ZFAT: variants seen among roughly 807,000 people sequenced by gnomAD.
The protein encoded by ZFAT is zinc finger and AT-hook domain containing.
In ZFAT, 64 loss-of-function variants were observed where a neutral mutation model predicts 117.7. The observed-to-expected ratio is 0.54, with a 90% CI of 0.44 to 0.67. ZFAT has a LOEUF of 0.67. ZFAT is among the 30% of genes least tolerant of loss of function. ZFAT has a pLI of 0.00. For synonymous variants in ZFAT, 679 were observed against 615.0 expected (o/e 1.10, Z -1.54); for missense variants, 1,433 against 1,584.5 (o/e 0.90, Z 1.62).
chr8:134,680,442 G>C (rs910051701), intron 1 of ZFAT, among the ~76,000 whole-genome samples: 4 of 152,036 alleles, frequency 2.6e-5, no homozygotes, highest in Admixed American at 1.3e-4. Flanking sequence ...AAATAAATGT[G>C]TGTATTGAGA....
the ZFAT span, among the ~76,000 whole-genome samples, chr8:134,718,652 C>T: frequency 6.6e-6 from 1 of 152,146 alleles, no homozygotes; most frequent in Non-Finnish European, 1.5e-5. Flanking sequence ...CTACCAGAGC[C>T]TAGCACTGTT....
intron 2 of ZFAT, among the ~76,000 whole-genome samples, chr8:134,654,036 C>T (rs1019415372): frequency 7.2e-5 from 11 of 152,134 alleles, no homozygotes; most frequent in Admixed American, 3.9e-4. Flanking sequence ...GGGGCTCATG[C>T]CTGTAATCTC....
chr8:134,557,123 A>AT (rs1268564349), intron 11 of ZFAT, among the ~76,000 whole-genome samples: 3 of 152,186 alleles, frequency 2.0e-5, no homozygotes, highest in Non-Finnish European at 4.4e-5. Context: ...TGCTTCTTAC[A>AT]TTGTTCATAA....
rs1834155700 is a variant in ZFAT at position 134,706,495 on chromosome 8, C to T, written c.19+6350G>A. ...TCACTTGAGGTCAGGAGTTCCAGAC[C>T]AGCCTGGCCAACATGGTGAAACCCC... On this transcript the variant is annotated intron_variant, in intron 1 of 15. Transcript: ENST00000377838. Among the ~76,000 whole-genome samples, 3 of 152,242 alleles carry T rather than the reference C, an allele frequency of 2.0e-5. No homozygotes were observed. In the South Asian group the frequency reaches 6.2e-4, roughly 32 times the overall value.
chr8:134,810,269 C>T, the ZFAT span, among the ~76,000 whole-genome samples: 1 of 152,108 alleles, frequency 6.6e-6, no homozygotes, highest in African/African-American at 2.4e-5. Context: ...ACTTCAGTCT[C>T]AATATATAAG....
chr8:134,690,425 A>G (rs1338645254), intron 1 of ZFAT, among the ~76,000 whole-genome samples: 1 of 152,220 alleles, frequency 6.6e-6, no homozygotes, highest in Non-Finnish European at 1.5e-5. Context: ...TTGATCAAGG[A>G]GATAAAATAA....
intron 11 of ZFAT, chr8:134,565,131 A>C (rs1206801011): frequency 6.6e-7 from 1 of 1,521,896 alleles, no homozygotes; most frequent in Non-Finnish European, 8.8e-7. Context: ...TGGTTTCCAA[A>C]TTACAGAGCA....
At chr8:134,759,161 T>A in the ZFAT span, among the ~76,000 whole-genome samples, 1 of 152,224 alleles carries the variant, frequency 6.6e-6, no homozygotes, top group East Asian at 1.9e-4. Context: ...GCTTTACCAA[T>A]GCTATATATT....
chr8:134,812,008 A>C, the ZFAT span, among the ~76,000 whole-genome samples: 2 of 152,004 alleles, frequency 1.3e-5, no homozygotes, highest in African/African-American at 4.8e-5. Context: ...GCTGGGCATC[A>C]TGGCAGGCGC....
the ZFAT span, among the ~76,000 whole-genome samples, chr8:134,724,282 C>CT: frequency 2.0e-5 from 3 of 152,126 alleles, no homozygotes; most frequent in Non-Finnish European, 4.4e-5. Context: ...GAGCTCCAAG[C>CT]CCAGTCAAGG....
intron 3 of ZFAT, among the ~76,000 whole-genome samples, chr8:134,631,517 T>C (rs1390365438): frequency 6.6e-6 from 1 of 152,220 alleles, no homozygotes; most frequent in Non-Finnish European, 1.5e-5. Flanking sequence ...GTCATAAAAT[T>C]AGAACTTAGG....
rs1388688411 is a variant in ZFAT, at chr8:134,656,382, C to A, written c.196+1179G>T. Among the ~76,000 whole-genome samples, 4 of 152,306 alleles carry A rather than the reference C, an allele frequency of 2.6e-5. No individual in the cohort carries two copies. The East Asian group carries it at 7.7e-4, about 29-fold the overall frequency. ...ACGCCATGGACACACACCCTATTAG[C>A]TGACGGTGATGACAGAAGTAAGAAA... On this transcript the variant is annotated intron_variant, in intron 2 of 15. Transcript: ENST00000377838.
chr8:134,635,580 G>A (rs971866007), intron 3 of ZFAT, among the ~76,000 whole-genome samples: 2 of 152,058 alleles, frequency 1.3e-5, no homozygotes, highest in Non-Finnish European at 2.9e-5. Flanking sequence ...CGGAGCAGGG[G>A]GCATGCATAT....
the ZFAT span, among the ~76,000 whole-genome samples, chr8:134,727,471 C>A: frequency 2.0e-5 from 3 of 152,176 alleles, no homozygotes; most frequent in South Asian, 6.2e-4. Flanking sequence ...TCATTGAAGA[C>A]CCTGTCTCTC....
At chr8:134,554,453 C>T (rs1823412628) in intron 11 of ZFAT, among the ~76,000 whole-genome samples, 1 of 152,186 alleles carries the variant, frequency 6.6e-6, no homozygotes, top group Non-Finnish European at 1.5e-5. Flanking sequence ...TCCTTTTGTC[C>T]TACTTTTATC....
chr8:134,506,401 C>T (rs1040118313), intron 15 of ZFAT, among the ~76,000 whole-genome samples: 1 of 152,212 alleles, frequency 6.6e-6, no homozygotes, highest in Non-Finnish European at 1.5e-5. Context: ...TTAATGCCAA[C>T]ACTCAAGAAA....
chr8:134,659,154 C>T (rs532356812), intron 1 of ZFAT, among the ~76,000 whole-genome samples: 11 of 152,230 alleles, frequency 7.2e-5, no homozygotes, highest in African/African-American at 2.7e-4. Context: ...ACAAGCTCTG[C>T]GCTCTCTGGT....
rs1160650000 is a variant in ZFAT, at chr8:134,600,538, C to T, written c.2373G>A (p.Gln791=). The change falls in exon 7 of 16, where the codon CAG becomes CAA. Residue 791 remains glutamine, a synonymous_variant. Transcript: ENST00000377838. The part of the protein sequence containing the change: ...TKNCLKRHVI[Q]KHSNILLKCP... Reference sequence around the variant, plus strand: ...ACTTCAGCAAGATGTTACTGTGTTTCTGAATTACGTGGCGTTTAAGGCAGT... The same window carrying T: ...ACTTCAGCAAGATGTTACTGTGTTTTTGAATTACGTGGCGTTTAAGGCAGT... 1 of 1,614,112 alleles carries T rather than the reference C, an allele frequency of 6.2e-7. No homozygotes were observed. Among genetic ancestry groups the T allele is most frequent in the Admixed American group, 1.7e-5 (1 of 60,010 alleles).
chr8:134,505,534 T>G (rs1299633138), intron 15 of ZFAT, among the ~76,000 whole-genome samples: 1 of 152,130 alleles, frequency 6.6e-6, no homozygotes, highest in East Asian at 1.9e-4. Context: ...CAGTCCTGGA[T>G]TATCTGGGTG....
Sources: allele counts gnomAD v4.1 joint callset (sites outside exome capture counted in the v4.1 genomes callset), GRCh38; gene constraint gnomAD v4.1.1; transcripts MANE v1.5; gene names NCBI Gene and HGNC (gene_info 2026-07-23, HGNC 2026-07-21).